Variants in STYX observed in about 807,000 individuals in gnomAD.
STYX encodes the protein serine/threonine/tyrosine-interacting protein.
STYX carries 20 observed loss-of-function variants against 42.7 expected under a neutral mutation model. That is an observed-to-expected ratio of 0.47 (90% CI 0.33 to 0.68). The LOEUF is 0.68. Ranked by LOEUF, STYX falls within the 30% of genes least tolerant of loss-of-function variation. STYX has a pLI of 0.02. For synonymous variants in STYX, 78 were observed against 81.9 expected (o/e 0.95, Z 0.26); for missense variants, 226 against 268.5 (o/e 0.84, Z 1.11).
chr14:52,769,845 A>T (rs532084425), intron 10 of STYX, among the ~76,000 whole-genome samples: 1 of 152,012 alleles, frequency 6.6e-6, no homozygotes, highest in Admixed American at 6.6e-5. Flanking sequence ...CCCATGAAAG[A>T]TATTTCTAAT....
At chr14:52,739,980 G>A (rs1047507313) in intron 1 of STYX, among the ~76,000 whole-genome samples, 3 of 152,004 alleles carry the variant, frequency 2.0e-5, no homozygotes, top group Non-Finnish European at 4.4e-5. Context: ...TAACACATTG[G>A]TAAGTTAAAG....
At chr14:52,732,432 C>G (rs1594860457) in intron 1 of STYX, among the ~76,000 whole-genome samples, 1 of 151,822 alleles carries the variant, frequency 6.6e-6, no homozygotes, top group African/African-American at 2.4e-5. Flanking sequence ...GCTACCACAC[C>G]GGGCTAATTT....
chr14:52,769,012 A>G, intron 10 of STYX, 79 bp downstream of exon 10: 1 of 1,037,218 alleles, frequency 9.6e-7, no homozygotes, highest in Non-Finnish European at 1.4e-6. Context: ...GTTACACTGA[A>G]CAATTTAAAT....
At chr14:52,760,793 A>T (rs1249961012) in intron 9 of STYX, among the ~76,000 whole-genome samples, 5 of 150,398 alleles carry the variant, frequency 3.3e-5, no homozygotes, top group African/African-American at 1.2e-4. Context: ...GTTTTTTTTC[A>T]TTTTTTTTAA....
At position 52,730,194 on chromosome 14, in the gene STYX, C is replaced by T. The variant is rs527758356; in HGVS notation, c.-281C>T. On this transcript the variant is annotated 5_prime_UTR_variant, in exon 1 of 11. Transcript: ENST00000354586. ...TGTCGGGCTGGTTCCTGTGCTGGATCCTGGGCGGCCTGAGGGGTACGGAGA... is the reference window on the plus strand; with the variant it reads ...TGTCGGGCTGGTTCCTGTGCTGGATTCTGGGCGGCCTGAGGGGTACGGAGA... The T allele has an allele frequency of 5.1e-4, 253 of 495,552 alleles. No homozygotes were observed. The highest frequency in any genetic ancestry group is 4.6e-3 in the African/African-American group (227 of 49,714). 30.7% of individuals were successfully genotyped at this position (495,552 alleles called of 1,614,324 possible). A position where few individuals can be genotyped will look rare whatever the true frequency, so the allele number is the denominator to read the frequency against.
At chr14:52,734,788 G>A (rs1269374487) in intron 1 of STYX, among the ~76,000 whole-genome samples, 2 of 152,190 alleles carry the variant, frequency 1.3e-5, no homozygotes, top group African/African-American at 2.4e-5. Context: ...CCGGCCGGGC[G>A]TGGTGGCTCA....
chr14:52,759,810 A>G (rs749055165), intron 9 of STYX, 56 bp downstream of exon 9: 11 of 1,175,460 alleles, frequency 9.4e-6, no homozygotes, highest in East Asian at 2.4e-5. Context: ...TCTTTTATAC[A>G]TGTAATTTAG....
chr14:52,749,593 C>T (rs1396469385), intron 3 of STYX, among the ~76,000 whole-genome samples: 1 of 152,154 alleles, frequency 6.6e-6, no homozygotes, highest in Non-Finnish European at 1.5e-5. Context: ...ATACATTTTA[C>T]ACATACTATG....
At chr14:52,752,276 C>G (rs1287889596) in intron 4 of STYX, among the ~76,000 whole-genome samples, 2 of 151,530 alleles carry the variant, frequency 1.3e-5, no homozygotes, top group African/African-American at 2.4e-5. Context: ...ACTGTCCTGG[C>G]CAACACAGTG....
chr14:52,746,348 A>C, intron 2 of STYX, 78 bp from the exon 3 acceptor site: 2 of 1,084,350 alleles, frequency 1.8e-6, no homozygotes, highest in Non-Finnish European at 2.7e-6. Flanking sequence ...GATTTGGCCA[A>C]ATAAGGTTTG....
chr14:52,767,187 A>C (rs1882335719), intron 9 of STYX, among the ~76,000 whole-genome samples: 1 of 152,206 alleles, frequency 6.6e-6, no homozygotes, highest in Non-Finnish European at 1.5e-5. Context: ...AAAGCATTTG[A>C]GGTAGAGGAA....
At chr14:52,755,428 T>C (rs898148979) in intron 4 of STYX, among the ~76,000 whole-genome samples, 4 of 152,128 alleles carry the variant, frequency 2.6e-5, no homozygotes, top group Admixed American at 2.6e-4. Flanking sequence ...CAGCCTCAGC[T>C]TCTCTGTATT....
intron 1 of STYX, among the ~76,000 whole-genome samples, chr14:52,737,134 A>G (rs972691927): frequency 1.3e-5 from 2 of 152,154 alleles, no homozygotes; most frequent in Non-Finnish European, 2.9e-5. Flanking sequence ...ATTCAGCACT[A>G]TCCTCAAATG....
At chr14:52,755,459 G>A (rs538523159) in intron 4 of STYX, among the ~76,000 whole-genome samples, 1 of 152,178 alleles carries the variant, frequency 6.6e-6, no homozygotes, top group South Asian at 2.1e-4. Context: ...ATTCTTTGAA[G>A]TTGTTACCAC....
intron 1 of STYX, among the ~76,000 whole-genome samples, chr14:52,741,155 A>G (rs1376185499): frequency 6.6e-6 from 1 of 151,772 alleles, no homozygotes; most frequent in Non-Finnish European, 1.5e-5. Context: ...TGAGACTACA[A>G]TAAATAAAGC....
intron 1 of STYX, among the ~76,000 whole-genome samples, chr14:52,732,227 G>A (rs1205089026): frequency 6.7e-6 from 1 of 149,604 alleles, no homozygotes; most frequent in African/African-American, 2.5e-5. Flanking sequence ...TAAGCCTCCT[G>A]AGTAGCTGGG....
intron 3 of STYX, among the ~76,000 whole-genome samples, chr14:52,748,766 A>G (rs1256104278): frequency 1.3e-5 from 2 of 152,212 alleles, no homozygotes; most frequent in African/African-American, 2.4e-5. Context: ...GCTTTCTCAC[A>G]TTCATAAAGT....
At chr14:52,733,397 AG>A (rs1337708275) in intron 1 of STYX, among the ~76,000 whole-genome samples, 2 of 152,166 alleles carry the variant, frequency 1.3e-5, no homozygotes, top group African/African-American at 4.8e-5. Flanking sequence ...GTTTTCCAGC[AG>A]GCATGAACTG....
intron 3 of STYX, 86 bp downstream of exon 3, chr14:52,746,565 T>C: frequency 1.7e-6 from 2 of 1,154,478 alleles, no homozygotes; most frequent in Non-Finnish European, 2.4e-6. Flanking sequence ...GAGTTTTATT[T>C]TAGGGAGCAT....
Sources: allele counts gnomAD v4.1 joint callset (sites outside exome capture counted in the v4.1 genomes callset), GRCh38; gene constraint gnomAD v4.1.1; transcripts MANE v1.5; gene names NCBI Gene and HGNC (gene_info 2026-07-23, HGNC 2026-07-21).